The following CCDC171 variants were observed in gnomAD, a reference collection of about 807,000 sequenced individuals.
The protein encoded by CCDC171 is coiled-coil domain containing 171.
Under a neutral mutation model 168.2 loss-of-function variants are expected in CCDC171, and 177 were observed. The ratio of observed to expected loss-of-function variants is 1.05; its 90% CI spans 0.93 to 1.19. The LOEUF is 1.19. Among genes scored for constraint, CCDC171 ranks in the 50% most tolerant of loss-of-function variants. The probability of loss-of-function intolerance (pLI) is 0.00; values close to 1 mark genes in which losing one functional copy is unlikely to be tolerated. For synonymous variants in CCDC171, 687 were observed against 540.8 expected, an observed-to-expected ratio of 1.27 and a Z score of -3.75; for missense variants, 1,991 against 1,539.0, an observed-to-expected ratio of 1.29 and a Z score of -4.91.
At chr9:15,861,811 A>G (rs1395752857) in intron 23 of CCDC171, among the ~76,000 whole-genome samples, 2 of 152,022 alleles carry the variant, frequency 1.3e-5, no homozygotes, top group African/African-American at 2.4e-5. Context: ...AGCATTCTGT[A>G]TATCTGTATA....
chr9:15,899,269 C>T lies in CCDC171; in HGVS notation c.3601-21001C>T, dbSNP rs113174584. 6.9e-3 allele frequency among the ~76,000 whole-genome samples: 1,050 copies of T among 152,228 alleles called. 7 individuals carry two copies. The highest frequency in any genetic ancestry group is 0.024 in the African/African-American group (991 of 41,540). On this transcript the variant is annotated intron_variant, in intron 24 of 25. Coordinates refer to ENST00000380701, the MANE Select transcript of CCDC171 (RefSeq NM_173550.4). ...AGGATATTTTGTTGTTTCTGGATTT[C>T]GGCTATTACATATAAAGTTGCATTG...
At chr9:15,786,351 G>GA (rs2057954087) in intron 21 of CCDC171, among the ~76,000 whole-genome samples, 1 of 151,498 alleles carries the variant, frequency 6.6e-6, no homozygotes, top group Non-Finnish European at 1.5e-5. Context: ...ATTCATTGTG[G>GA]AAAAATAAGA....
At chr9:15,689,116 A>G (rs967516393) in intron 10 of CCDC171, among the ~76,000 whole-genome samples, 1 of 152,234 alleles carries the variant, frequency 6.6e-6, no homozygotes, top group Non-Finnish European at 1.5e-5. Context: ...TATTGACAAT[A>G]AAATAATAAA....
chr9:15,862,451 T>C (rs2061601813), intron 23 of CCDC171, among the ~76,000 whole-genome samples: 1 of 152,006 alleles, frequency 6.6e-6, no homozygotes, highest in Non-Finnish European at 1.5e-5. Flanking sequence ...TCATGTATTA[T>C]TTTTCTGAGC....
At chr9:15,556,784 C>G (rs1692229052) in intron 1 of CCDC171, among the ~76,000 whole-genome samples, 1 of 151,894 alleles carries the variant, frequency 6.6e-6, no homozygotes, top group Admixed American at 6.6e-5. Context: ...GTTGCCATTG[C>G]TTTTGGTGTT....
intron 3 of CCDC171, among the ~76,000 whole-genome samples, chr9:15,985,635 G>A (rs1469566618): frequency 6.6e-6 from 1 of 152,020 alleles, no homozygotes; most frequent in Non-Finnish European, 1.5e-5. Context: ...TCCAACTTTT[G>A]GTATACTAGA....
chr9:15,659,459 A>C (rs2048161584), intron 8 of CCDC171, among the ~76,000 whole-genome samples: 1 of 152,192 alleles, frequency 6.6e-6, no homozygotes, highest in African/African-American at 2.4e-5. Flanking sequence ...AAGATTGTAT[A>C]CCTATAATAG....
At chr9:15,638,802 G>C (rs1019595533) in intron 7 of CCDC171, among the ~76,000 whole-genome samples, 1 of 151,756 alleles carries the variant, frequency 6.6e-6, no homozygotes, top group African/African-American at 2.4e-5. Context: ...TTTTATAAAT[G>C]CAGTACTGGA....
At chr9:15,823,388 A>T (rs1326928670) in intron 21 of CCDC171, among the ~76,000 whole-genome samples, 3 of 152,138 alleles carry the variant, frequency 2.0e-5, no homozygotes, top group Non-Finnish European at 4.4e-5. Context: ...ATAAAAAGGA[A>T]TAATAATTTT....
chr9:15,970,984 C>T (rs1347544918), intron 25 of CCDC171, among the ~76,000 whole-genome samples: 3 of 151,928 alleles, frequency 2.0e-5, no homozygotes, highest in Non-Finnish European at 2.9e-5. Flanking sequence ...CAAATCTGCA[C>T]GTGTACCCCT....
chr9:15,765,941 A>C (rs1001354066), intron 18 of CCDC171, among the ~76,000 whole-genome samples: 4 of 152,156 alleles, frequency 2.6e-5, no homozygotes, highest in Non-Finnish European at 4.4e-5. Flanking sequence ...TTTTCAGGGA[A>C]GTTTATGTAA....
chr9:15,602,632 C>CTTTTTTTTTTTTTTATTTT (rs1050799184), intron 6 of CCDC171, among the ~76,000 whole-genome samples: 3 of 30,998 alleles, frequency 9.7e-5, no homozygotes, highest in Non-Finnish European at 2.0e-4. Flanking sequence ...TTTCTCATTT[C>CTTTTTTTTTTTTTTATTTT]TTTTTTTTTT....
intron 9 of CCDC171, among the ~76,000 whole-genome samples, chr9:15,677,592 A>G (rs961536509): frequency 2.0e-5 from 3 of 151,948 alleles, no homozygotes; most frequent in Non-Finnish European, 4.4e-5. Context: ...TTAAATTTGA[A>G]TTAAAATTAT....
intron 18 of CCDC171, among the ~76,000 whole-genome samples, chr9:15,747,002 C>A (rs2055342710): frequency 6.6e-6 from 1 of 152,214 alleles, no homozygotes; most frequent in Non-Finnish European, 1.5e-5. Flanking sequence ...AAGCTAAAAT[C>A]CATTGGCTTG....
At position 15,774,093 on chromosome 9, in the gene CCDC171, A is replaced by T. The variant is rs1254588754; in HGVS notation, c.2672-3507A>T. 2.0e-5 allele frequency among the ~76,000 whole-genome samples: 3 copies of T among 151,956 alleles called. No individual in the cohort carries two copies. In the East Asian group the frequency reaches 5.8e-4, roughly 30 times the overall value. Reference sequence around the variant, plus strand: ...AAACCCTGTCTCTACTAAAAATATAAAAATTAGCTGGGTGTGGTGGTGGGC... The same window carrying T: ...AAACCCTGTCTCTACTAAAAATATATAAATTAGCTGGGTGTGGTGGTGGGC... On this transcript the variant is annotated intron_variant, in intron 18 of 25. Transcript: ENST00000380701.
Position 15,840,099 on chromosome 9 carries a change from T to G in CCDC171, c.3268-6603T>G, listed in dbSNP as rs1293653327. ...AAATTCTGTAGTACAGTGAAAATATTAATGTAAGAGTATTTTAATTATTAA... is the reference window on the plus strand; with the variant it reads ...AAATTCTGTAGTACAGTGAAAATATGAATGTAAGAGTATTTTAATTATTAA... On this transcript the variant is annotated intron_variant, in intron 21 of 25. Coordinates refer to ENST00000380701, the MANE Select transcript of CCDC171 (RefSeq NM_173550.4). 5.3e-5 allele frequency among the ~76,000 whole-genome samples: 8 copies of G among 152,226 alleles called. No homozygotes were observed. In the East Asian group the frequency reaches 1.5e-3, roughly 29 times the overall value.
At position 15,885,866 on chromosome 9, in the gene CCDC171, T is replaced by C. The variant is rs183397058; in HGVS notation, c.3600+11203T>C. The C allele has an allele frequency of 3.3e-5, 5 of 152,302 alleles. No homozygotes were observed. In the East Asian group the frequency reaches 9.6e-4, roughly 29 times the overall value. 9.4% of individuals were successfully genotyped at this position (152,302 alleles called of 1,614,324 possible). A position where few individuals can be genotyped will look rare whatever the true frequency, so the allele number is the denominator to read the frequency against. ...AGCTAAGTACAATGATAATTTCTTG[T>C]AATAATTCCACAGATGCCTTACATT... On this transcript the variant is annotated intron_variant, in intron 24 of 25. Transcript: ENST00000380701.
At chr9:15,846,561 A>G (rs915454144) in intron 21 of CCDC171, 141 bp from the exon 22 acceptor site, 1 of 737,710 alleles carries the variant, frequency 1.4e-6, no homozygotes, top group Non-Finnish European at 2.1e-6. Flanking sequence ...ATTTTTGCAG[A>G]AAATTTGTTA....
chr9:16,042,516 G>T (rs1181316971), upstream of CCDC171, among the ~76,000 whole-genome samples: 1 of 152,218 alleles, frequency 6.6e-6, no homozygotes, highest in Non-Finnish European at 1.5e-5. Context: ...GCTTCTTCCT[G>T]TGCTAAATAA....
Sources: allele counts gnomAD v4.1 joint callset (sites outside exome capture counted in the v4.1 genomes callset), GRCh38; gene constraint gnomAD v4.1.1; transcripts MANE v1.5; gene names NCBI Gene and HGNC (gene_info 2026-07-23, HGNC 2026-07-21).